ZFAT: variants seen among roughly 807,000 people sequenced by gnomAD.
ZFAT encodes the protein zinc finger protein ZFAT.
In ZFAT, 64 loss-of-function variants were observed where a neutral mutation model predicts 117.7. The ratio of observed to expected loss-of-function variants is 0.54; its 90% CI spans 0.44 to 0.67. The LOEUF is 0.67. Among genes scored for constraint, ZFAT ranks in the 30% least tolerant of loss-of-function variants. ZFAT has a pLI of 0.00. For missense variants in ZFAT, 1,433 were observed against 1,584.5 expected (o/e 0.90, Z 1.62); for synonymous variants, 679 against 615.0 (o/e 1.10, Z -1.54).
chr8:134,810,314 AC>A, the ZFAT span, among the ~76,000 whole-genome samples: 1 of 152,204 alleles, frequency 6.6e-6, no homozygotes, highest in Non-Finnish European at 1.5e-5. Context: ...GATTGAAGAG[AC>A]CTTAACTGTA....
At chr8:134,760,332 G>A in the ZFAT span, among the ~76,000 whole-genome samples, 1 of 150,542 alleles carries the variant, frequency 6.6e-6, no homozygotes, top group East Asian at 1.9e-4. Context: ...TGGATTATAA[G>A]CAATGCAAAA....
At chr8:134,609,853 C>A (rs1176854449) in intron 4 of ZFAT, among the ~76,000 whole-genome samples, 1 of 152,108 alleles carries the variant, frequency 6.6e-6, no homozygotes, top group Non-Finnish European at 1.5e-5. Context: ...GTGAACCCTT[C>A]TAAAAATACA....
chr8:134,544,208 T>C (rs919442373), intron 11 of ZFAT, among the ~76,000 whole-genome samples: 1 of 152,122 alleles, frequency 6.6e-6, no homozygotes. Context: ...CCTCTCCAGG[T>C]CCGCCCTCCA....
At chr8:134,548,660 TAGG>T (rs1392532337) in intron 11 of ZFAT, among the ~76,000 whole-genome samples, 1 of 152,186 alleles carries the variant, frequency 6.6e-6, no homozygotes, top group Non-Finnish European at 1.5e-5. Flanking sequence ...TTGGGAAAAA[TAGG>T]AGGAGAGGGA....
intron 11 of ZFAT, among the ~76,000 whole-genome samples, chr8:134,563,289 AG>A (rs1824180687): frequency 6.6e-6 from 1 of 152,234 alleles, no homozygotes; most frequent in African/African-American, 2.4e-5. Context: ...CAACATCCTT[AG>A]TTTCTCCAAT....
intron 11 of ZFAT, among the ~76,000 whole-genome samples, chr8:134,544,761 A>T (rs1254880222): frequency 6.6e-6 from 1 of 152,008 alleles, no homozygotes; most frequent in African/African-American, 2.4e-5. Flanking sequence ...TGAAGATAAA[A>T]GTAAAACCAC....
the ZFAT span, among the ~76,000 whole-genome samples, chr8:134,804,543 C>T: frequency 2.0e-5 from 3 of 152,170 alleles, no homozygotes. Context: ...GAAAATCAGT[C>T]TCCTGAATTG....
the ZFAT span, among the ~76,000 whole-genome samples, chr8:134,748,429 T>G: frequency 1.4e-4 from 21 of 152,346 alleles, no homozygotes; most frequent in East Asian, 4.0e-3. Flanking sequence ...TTCATCACAT[T>G]GTTGCATTAA....
the ZFAT span, among the ~76,000 whole-genome samples, chr8:134,789,595 GC>G: frequency 6.6e-6 from 1 of 152,180 alleles, no homozygotes; most frequent in Non-Finnish European, 1.5e-5. Flanking sequence ...GAGCACTACA[GC>G]CACCATTTTT....
intron 8 of ZFAT, 55 bp from the exon 9 acceptor site, chr8:134,588,450 C>A: frequency 1.3e-6 from 2 of 1,508,396 alleles, no homozygotes; most frequent in South Asian, 1.3e-5. Flanking sequence ...GGAAGTTAGA[C>A]ATAAATAAAC....
chr8:134,704,983 C>T (rs917716789), intron 1 of ZFAT, among the ~76,000 whole-genome samples: 6 of 151,786 alleles, frequency 4.0e-5, no homozygotes, highest in Middle Eastern at 3.4e-3. Flanking sequence ...AAAGCACTTC[C>T]GATAAATGTA....
At chr8:134,636,701 C>T (rs1830230052) in intron 3 of ZFAT, among the ~76,000 whole-genome samples, 1 of 152,176 alleles carries the variant, frequency 6.6e-6, no homozygotes, top group South Asian at 2.1e-4. Context: ...TCAACAACAA[C>T]AGAACCCACA....
At chr8:134,674,271 C>T (rs766856837) in intron 1 of ZFAT, among the ~76,000 whole-genome samples, 3 of 152,156 alleles carry the variant, frequency 2.0e-5, no homozygotes, top group Non-Finnish European at 2.9e-5. Context: ...TCTTCACAAT[C>T]GGTAGACCAG....
At chr8:134,649,165 TCACACACACA>T (rs752848073) in intron 2 of ZFAT, among the ~76,000 whole-genome samples, 6 of 77,058 alleles carry the variant, frequency 7.8e-5, no homozygotes, top group Admixed American at 1.5e-4. Flanking sequence ...CATCTATCTC[TCACACACACA>T]CACACACACA....
chr8:134,745,202 G>A, the ZFAT span, among the ~76,000 whole-genome samples: 6 of 152,174 alleles, frequency 3.9e-5, no homozygotes, highest in African/African-American at 1.4e-4. Flanking sequence ...CACACTTGAG[G>A]GAAGGGAATC....
intron 1 of ZFAT, among the ~76,000 whole-genome samples, chr8:134,708,404 T>C (rs2131368429): frequency 6.6e-6 from 1 of 152,156 alleles, no homozygotes; most frequent in East Asian, 1.9e-4. Flanking sequence ...CACATTATAC[T>C]CATAAATCAT....
chr8:134,628,091 G>A (rs1440339617), intron 3 of ZFAT, among the ~76,000 whole-genome samples: 1 of 152,196 alleles, frequency 6.6e-6, no homozygotes, highest in South Asian at 2.1e-4. Context: ...GGGAAATAAA[G>A]CTGTGACTTG....
chr8:134,604,550 G>A (rs932742602), intron 5 of ZFAT, among the ~76,000 whole-genome samples: 1 of 152,186 alleles, frequency 6.6e-6, no homozygotes, highest in African/African-American at 2.4e-5. Context: ...TTCTCCAGCC[G>A]TAACTGCTTT....
At chr8:134,639,250 G>A (rs937151142) in intron 2 of ZFAT, among the ~76,000 whole-genome samples, 25 of 152,198 alleles carry the variant, frequency 1.6e-4, no homozygotes, top group Non-Finnish European at 1.2e-4. Context: ...GCCTTGGTAC[G>A]GGGTACCCAA....
Sources: allele counts gnomAD v4.1 joint callset (sites outside exome capture counted in the v4.1 genomes callset), GRCh38; gene constraint gnomAD v4.1.1; transcripts MANE v1.5; gene names NCBI Gene and HGNC (gene_info 2026-07-23, HGNC 2026-07-21).